The following SLC25A13 variants were observed in gnomAD, a reference collection of about 807,000 sequenced individuals.
SLC25A13 encodes the protein electrogenic aspartate/glutamate antiporter SLC25A13, mitochondrial.
SLC25A13 carries 70 observed loss-of-function variants against 85.5 expected under a neutral mutation model. The observed-to-expected ratio is 0.82, with a 90% CI of 0.68 to 1.00. SLC25A13 has a LOEUF of 1.00. SLC25A13 is among the 50% of genes least tolerant of loss of function. The pLI, the probability that SLC25A13 is intolerant of heterozygous loss-of-function variation, is 0.00. For missense variants in SLC25A13, 765 were observed against 819.8 expected (o/e 0.93, Z 0.82); for synonymous variants, 259 against 288.7 (o/e 0.90, Z 1.04).
rs371360846 is a variant in SLC25A13, at chr7:96,232,591, C to T, written c.328+2211G>A. Among the ~76,000 whole-genome samples the T allele has an allele frequency of 6.8e-4, 92 of 134,550 alleles. No individual in the cohort carries two copies. The South Asian group carries it at 0.01, about 15-fold the overall frequency. 88.3% of individuals were successfully genotyped at this position (134,550 alleles called of 152,430 possible). A position where few individuals can be genotyped will look rare whatever the true frequency, so the allele number is the denominator to read the frequency against. ...ACCTGCACATGTACCCCTGAACTTACGTTAAAAAAAAAAAATTTAAAAAAA... is the reference window on the plus strand; with the variant it reads ...ACCTGCACATGTACCCCTGAACTTATGTTAAAAAAAAAAAATTTAAAAAAA... On this transcript the variant is annotated intron_variant, in intron 4 of 17. Transcript: ENST00000265631.
chr7:96,316,957 T>C (rs370532294), intron 1 of SLC25A13, among the ~76,000 whole-genome samples: 163 of 152,198 alleles, frequency 1.1e-3, no homozygotes, highest in Non-Finnish European at 2.0e-3. Context: ...TTCCTAATTA[T>C]CCGATCTTTT....
At chr7:96,163,815 TATCCAA>T (rs1398231386) in intron 13 of SLC25A13, among the ~76,000 whole-genome samples, 1 of 152,160 alleles carries the variant, frequency 6.6e-6, no homozygotes, top group Non-Finnish European at 1.5e-5. Flanking sequence ...TCAACAGCCA[TATCCAA>T]ACTCCAATAC....
In SLC25A13 at chr7:96,189,644, C is replaced by T; in HGVS notation, c.785G>A (p.Gly262Asp). The T allele has an allele frequency of 6.2e-7, 1 of 1,613,152 alleles. No homozygotes were observed. Among genetic ancestry groups the T allele is most frequent in the Non-Finnish European group, 8.5e-7 (1 of 1,179,896 alleles). Residue 262 changes from glycine (G) to aspartate (D), a missense_variant, in exon 8 of 18, where the codon GGT becomes GAT. Transcript: ENST00000265631. ...EEFVLAAQKF[G>D]QVTPMEVDIL... is the part of the protein sequence containing the mutation. The stretch of plus-strand genomic sequence containing the variant: ...GTCAACTTCCATGGGTGTAACCTGA[C>T]CAAATTTCTGAGCTGCCAGAACAAA...
chr7:96,250,526 C>T (rs575397438), intron 3 of SLC25A13, among the ~76,000 whole-genome samples: 2 of 152,224 alleles, frequency 1.3e-5, no homozygotes, highest in South Asian at 4.1e-4. Flanking sequence ...TGAGTCCAGT[C>T]CCTTGTAAGG....
intron 9 of SLC25A13, 56 bp downstream of exon 9, chr7:96,189,238 G>A: frequency 6.7e-7 from 1 of 1,485,074 alleles, no homozygotes. Context: ...GTGGAACAGG[G>A]TTGGGGTATC....
At chr7:96,159,900 T>C (rs531588153) in intron 13 of SLC25A13, among the ~76,000 whole-genome samples, 7 of 152,204 alleles carry the variant, frequency 4.6e-5, no homozygotes, top group Admixed American at 2.0e-4. Context: ...TTACAAATAT[T>C]AAGTTTCATG....
chr7:96,262,528 A>C (rs527465504), intron 3 of SLC25A13, among the ~76,000 whole-genome samples: 1 of 152,018 alleles, frequency 6.6e-6, no homozygotes, highest in Non-Finnish European at 1.5e-5. Context: ...AGTTTAAAAA[A>C]AAAGAGTAAG....
chr7:96,289,670 T>C (rs1193658224), intron 2 of SLC25A13, among the ~76,000 whole-genome samples: 2 of 151,848 alleles, frequency 1.3e-5, no homozygotes, highest in African/African-American at 4.8e-5. Context: ...TGATGGAAGA[T>C]CAAATGAATG....
At chr7:96,196,913 A>G (rs1795084274) in intron 5 of SLC25A13, among the ~76,000 whole-genome samples, 1 of 152,222 alleles carries the variant, frequency 6.6e-6, no homozygotes, top group African/African-American at 2.4e-5. Flanking sequence ...AATAGCACTT[A>G]GCAAGCATGT....
chr7:96,319,812 A>G (rs970945636), intron 1 of SLC25A13, among the ~76,000 whole-genome samples: 4 of 152,164 alleles, frequency 2.6e-5, no homozygotes, highest in Admixed American at 2.6e-4. Context: ...GATATCACAG[A>G]AAGAGGTGAG....
chr7:96,287,478 C>T (rs73710272), intron 2 of SLC25A13, among the ~76,000 whole-genome samples: 1,871 of 152,286 alleles, frequency 0.012, 37 homozygotes, highest in African/African-American at 0.042. Flanking sequence ...AGAAACACTA[C>T]AGGTGTCTCT....
chr7:96,223,455 A>G (rs1446869106), intron 4 of SLC25A13, among the ~76,000 whole-genome samples: 1 of 152,160 alleles, frequency 6.6e-6, no homozygotes. Flanking sequence ...TTGAATTTTC[A>G]GGGGGTCTAC....
At chr7:96,293,675 G>A (rs371824305) in intron 2 of SLC25A13, among the ~76,000 whole-genome samples, 1 of 152,090 alleles carries the variant, frequency 6.6e-6, no homozygotes, top group Non-Finnish European at 1.5e-5. Flanking sequence ...AGACACATGA[G>A]AAAATGCTCA....
intron 4 of SLC25A13, among the ~76,000 whole-genome samples, chr7:96,220,847 C>T (rs1408355382): frequency 6.6e-6 from 1 of 152,112 alleles, no homozygotes; most frequent in Non-Finnish European, 1.5e-5. Context: ...CCAGTCCAGT[C>T]TCTCCACTCC....
At chr7:96,229,653 C>G (rs1796458671) in intron 4 of SLC25A13, among the ~76,000 whole-genome samples, 1 of 152,178 alleles carries the variant, frequency 6.6e-6, no homozygotes. Context: ...CACGAACCCA[C>G]CGGGAGGTAT....
chr7:96,211,104 G>T (rs945728942), intron 4 of SLC25A13, among the ~76,000 whole-genome samples: 1 of 152,006 alleles, frequency 6.6e-6, no homozygotes, highest in Non-Finnish European at 1.5e-5. Context: ...ATGAAAGTAG[G>T]TTTAAGTTTT....
chr7:96,238,364 C>T (rs1374318574), intron 3 of SLC25A13, among the ~76,000 whole-genome samples: 1 of 151,108 alleles, frequency 6.6e-6, no homozygotes, highest in Non-Finnish European at 1.5e-5. Flanking sequence ...CCTTGGATGT[C>T]TAGCCTCCAG....
At chr7:96,278,974 C>A (rs1417038975) in intron 2 of SLC25A13, among the ~76,000 whole-genome samples, 1 of 152,190 alleles carries the variant, frequency 6.6e-6, no homozygotes, top group Non-Finnish European at 1.5e-5. Flanking sequence ...AACTTTTCTC[C>A]TACCAGTAGA....
intron 2 of SLC25A13, among the ~76,000 whole-genome samples, chr7:96,289,408 CA>C (rs1429038307): frequency 6.6e-6 from 1 of 152,168 alleles, no homozygotes; most frequent in Non-Finnish European, 1.5e-5. Context: ...GCTGGACGGA[CA>C]ATGACTTTCA....
Sources: gnomAD v4.1 joint callset for allele counts (sites outside exome capture counted in the v4.1 genomes callset) on GRCh38, gnomAD v4.1.1 for gene constraint, MANE v1.5 for transcripts, NCBI Gene and HGNC (gene_info 2026-07-23, HGNC 2026-07-21) for gene names.